Variants in CRYBG1 observed in about 807,000 individuals in gnomAD.
CRYBG1 encodes beta/gamma crystallin domain-containing protein 1.
Under a neutral mutation model 189.2 loss-of-function variants are expected in CRYBG1, and 139 were observed. That is an observed-to-expected ratio of 0.73 (90% CI 0.64 to 0.85). CRYBG1 has a LOEUF of 0.85. Among genes scored for constraint, CRYBG1 ranks in the 40% least tolerant of loss-of-function variants. The pLI, the probability that CRYBG1 is intolerant of heterozygous loss-of-function variation, is 0.00. For synonymous variants in CRYBG1, 1,023 were observed against 1,017.1 expected (o/e 1.01, Z -0.11); for missense variants, 2,611 against 2,675.8 (o/e 0.98, Z 0.53).
At chr6:106,437,631 G>A (rs12662205) in intron 1 of CRYBG1, among the ~76,000 whole-genome samples, 43,842 of 151,990 alleles carry the variant, frequency 0.29, 6,779 homozygotes, top group South Asian at 0.39. Flanking sequence ...GAAACAGGGT[G>A]TTGCTATGTT....
At chr6:106,377,619 TTTTATATATA>T (rs1562290413) in intron 1 of CRYBG1, among the ~76,000 whole-genome samples, 49 of 122,264 alleles carry the variant, frequency 4.0e-4, no homozygotes, top group East Asian at 4.5e-4. Flanking sequence ...AGTCCTAAGG[TTTTATATATA>T]TATATATATA....
Position 106,520,925 on chromosome 6 carries a change from A to T in CRYBG1, c.3717A>T (p.Lys1239Asn), listed in dbSNP as rs775754813. 1 of 1,614,040 alleles carries T rather than the reference A, an allele frequency of 6.2e-7. No individual in the cohort carries two copies. The highest frequency in any genetic ancestry group is 8.5e-7 in the Non-Finnish European group (1 of 1,180,034). ...GCATTAAGAGATCGAGACTAGAAAA[A>T]AGTGCACTTTTCTCAAGCTTGTTAT... ...NGGIKRSRLE[K>N]SALFSSLLSS... The change falls in exon 4 of 22, where the codon AAA becomes AAT. Residue 1239 changes from lysine (K) to asparagine (N), a missense_variant. By Grantham distance (94) the Lys-to-Asn change is moderately conservative. Coordinates refer to ENST00000633556, the MANE Select transcript of CRYBG1 (RefSeq NM_001371242.2).
At chr6:106,497,935 A>C (rs1772890637) in intron 2 of CRYBG1, among the ~76,000 whole-genome samples, 1 of 151,900 alleles carries the variant, frequency 6.6e-6, no homozygotes, top group Non-Finnish European at 1.5e-5. Flanking sequence ...TACTACAAAT[A>C]CAAAAAAAAA....
intron 2 of CRYBG1, among the ~76,000 whole-genome samples, chr6:106,508,440 C>T (rs1773175676): frequency 6.6e-6 from 1 of 152,144 alleles, no homozygotes; most frequent in Admixed American, 6.5e-5. Context: ...AACTTTAACC[C>T]TCAACGTTCC....
At chr6:106,413,162 C>A (rs1252685217) in intron 1 of CRYBG1, among the ~76,000 whole-genome samples, 2 of 152,092 alleles carry the variant, frequency 1.3e-5, no homozygotes, top group Non-Finnish European at 2.9e-5. Flanking sequence ...GCAATTCCTG[C>A]AGAAAGAAAA....
At chr6:106,541,282 CT>C in intron 9 of CRYBG1, 1 of 535,096 alleles carries the variant, frequency 1.9e-6, no homozygotes, top group Non-Finnish European at 3.7e-6. Context: ...CTTGGAACTG[CT>C]TTTTCAAGAG....
chr6:106,458,918 C>T (rs1771945053), intron 2 of CRYBG1, among the ~76,000 whole-genome samples: 2 of 152,186 alleles, frequency 1.3e-5, no homozygotes, highest in Admixed American at 6.5e-5. Flanking sequence ...TCCGTACACA[C>T]ACAGGTTCAC....
At chr6:106,566,167 G>GA (rs34366986) in intron 21 of CRYBG1, among the ~76,000 whole-genome samples, 24,308 of 123,660 alleles carry the variant, frequency 0.2, 2,390 homozygotes, top group East Asian at 0.3. Flanking sequence ...GCACCAGCGT[G>GA]AAAAAAAAAA....
At chr6:106,381,477 A>G (rs1412753357) in intron 1 of CRYBG1, among the ~76,000 whole-genome samples, 1 of 152,232 alleles carries the variant, frequency 6.6e-6, no homozygotes, top group Admixed American at 6.5e-5. Context: ...AGAGAAGGTT[A>G]CCTAGGAGAT....
At chr6:106,523,889 G>A (rs777208214) in intron 4 of CRYBG1, among the ~76,000 whole-genome samples, 15 of 152,078 alleles carry the variant, frequency 9.9e-5, no homozygotes, top group Non-Finnish European at 1.8e-4. Context: ...GTGCCACCAC[G>A]CCCAGCTAAT....
At chr6:106,547,951 G>A (rs1279202223) in intron 13 of CRYBG1, among the ~76,000 whole-genome samples, 4 of 152,180 alleles carry the variant, frequency 2.6e-5, no homozygotes, top group Non-Finnish European at 5.9e-5. Context: ...TTAAAACTAG[G>A]AGCAAAATGA....
chr6:106,424,906 T>A (rs1258899136), intron 1 of CRYBG1, among the ~76,000 whole-genome samples: 1 of 152,124 alleles, frequency 6.6e-6, no homozygotes, highest in Non-Finnish European at 1.5e-5. Flanking sequence ...TGCCTCACCC[T>A]CAAGTCCTTC....
chr6:106,368,283 A>G (rs1582723888), intron 1 of CRYBG1, among the ~76,000 whole-genome samples: 3 of 152,120 alleles, frequency 2.0e-5, no homozygotes, highest in Admixed American at 6.6e-5. Flanking sequence ...ACATACACAC[A>G]CACACACACA....
intron 8 of CRYBG1, among the ~76,000 whole-genome samples, chr6:106,538,892 C>CAA (rs56951856): frequency 0.45 from 66,886 of 147,018 alleles, 16,348 homozygotes; most frequent in East Asian, 0.76. Context: ...AAGACTCCGT[C>CAA]AAAAAAAAAA....
intron 16 of CRYBG1, 120 bp from the exon 17 acceptor site, chr6:106,555,648 C>A: frequency 1.7e-6 from 2 of 1,208,788 alleles, no homozygotes; most frequent in South Asian, 1.6e-5. Flanking sequence ...GAAGAAAGAA[C>A]TCTGTTTGCC....
chr6:106,541,473 AC>A, intron 9 of CRYBG1, 112 bp from the exon 10 acceptor site: 6 of 1,056,994 alleles, frequency 5.7e-6, no homozygotes, highest in Non-Finnish European at 8.8e-6. Flanking sequence ...GTTAAAACAA[AC>A]CAGAACATAG....
chr6:106,517,912 T>A (rs1202606806), intron 3 of CRYBG1, among the ~76,000 whole-genome samples: 1 of 152,122 alleles, frequency 6.6e-6, no homozygotes, highest in East Asian at 1.9e-4. Flanking sequence ...TGGGGGTAAT[T>A]ATACCCAAGA....
At chr6:106,561,563 T>C (rs970394166) in intron 20 of CRYBG1, 63 bp downstream of exon 20, 177 of 1,534,430 alleles carry the variant, frequency 1.2e-4, no homozygotes, top group Non-Finnish European at 1.3e-4. Flanking sequence ...CATCCTTTCA[T>C]ATGCTTTTGA....
At chr6:106,549,584 AT>A (rs1023083407) in intron 13 of CRYBG1, among the ~76,000 whole-genome samples, 13 of 152,198 alleles carry the variant, frequency 8.5e-5, no homozygotes, top group African/African-American at 3.1e-4. Flanking sequence ...ACTAAAAAAA[AT>A]AAAAAATAAA....
Sources: allele counts gnomAD v4.1 joint callset (sites outside exome capture counted in the v4.1 genomes callset), GRCh38; gene constraint gnomAD v4.1.1; transcripts MANE v1.5; gene names NCBI Gene and HGNC (gene_info 2026-07-23, HGNC 2026-07-21).